Variants in RTTN observed in about 807,000 individuals in gnomAD.
RTTN encodes rotatin.
A neutral mutation model predicts 269.2 loss-of-function variants in RTTN; 182 were observed. The observed-to-expected ratio is 0.68, with a 90% CI of 0.60 to 0.76. The LOEUF is 0.76. RTTN is among the 30% of genes least tolerant of loss of function. The pLI, the probability that RTTN is intolerant of heterozygous loss-of-function variation, is 0.00. For synonymous variants in RTTN, 1,006 were observed against 963.5 expected (o/e 1.04, Z -0.82); for missense variants, 2,545 against 2,608.6 (o/e 0.98, Z 0.53).
intron 23 of RTTN, chr18:70,129,139 CT>C (rs765668493): frequency 6.6e-6 from 1 of 151,984 alleles, no homozygotes; most frequent in Non-Finnish European, 1.5e-5. Flanking sequence ...ATAGCAGTAT[CT>C]TTTAAACCAA....
At chr18:70,046,586 T>C (rs2057497641) in intron 40 of RTTN, among the ~76,000 whole-genome samples, 1 of 152,206 alleles carries the variant, frequency 6.6e-6, no homozygotes, top group South Asian at 2.1e-4. Context: ...ATAAAGTCTG[T>C]TGTTCTGATG....
intron 19 of RTTN, among the ~76,000 whole-genome samples, chr18:70,141,644 G>T (rs973782613): frequency 3.9e-5 from 6 of 151,954 alleles, no homozygotes; most frequent in African/African-American, 1.5e-4. Context: ...GTTGGGGGAG[G>T]GATAGCATTA....
intron 38 of RTTN, among the ~76,000 whole-genome samples, chr18:70,052,642 T>TATATATATATATATA (rs372511831): frequency 6.9e-6 from 1 of 145,848 alleles, no homozygotes; most frequent in Non-Finnish European, 1.5e-5. Context: ...ATTTATTTAC[T>TATATATATATATATA]TATATATATA....
chr18:70,159,750 A>ATCTTTTG (rs1483704625), intron 14 of RTTN, among the ~76,000 whole-genome samples: 5 of 152,170 alleles, frequency 3.3e-5, no homozygotes, highest in African/African-American at 4.8e-5. Context: ...AAGTGACATT[A>ATCTTTTG]TCACTGACCC....
chr18:70,060,047 T>C lies in RTTN; in HGVS notation c.4748-5A>G, dbSNP rs28495061. ...GTGATGTACTTTCCTGGTGACCTATTATTGAAAATAAACATAAGAATTATT... is the reference window on the plus strand; with the variant it reads ...GTGATGTACTTTCCTGGTGACCTATCATTGAAAATAAACATAAGAATTATT... On this transcript the variant is annotated splice_region_variant and splice_polypyrimidine_tract_variant and intron_variant, in intron 35 of 48. Transcript: ENST00000640769. 5,841 of 1,599,092 alleles carry C rather than the reference T, an allele frequency of 3.7e-3. 191 individuals carry two copies. The African/African-American group carries it at 0.07, about 19-fold the overall frequency.
chr18:70,134,427 A>G, intron 23 of RTTN, 46 bp downstream of exon 23: 2 of 1,342,912 alleles, frequency 1.5e-6, no homozygotes, highest in Non-Finnish European at 2.1e-6. Context: ...CCCTTTCTGT[A>G]ACAACATTTC....
intron 46 of RTTN, among the ~76,000 whole-genome samples, chr18:70,009,432 G>A (rs1376457782): frequency 1.3e-5 from 2 of 151,908 alleles, no homozygotes; most frequent in Non-Finnish European, 2.9e-5. Context: ...CACTGCGTAT[G>A]GCCCAAGAAA....
chr18:70,045,257 G>A (rs1846596765), intron 40 of RTTN, among the ~76,000 whole-genome samples: 1 of 152,174 alleles, frequency 6.6e-6, no homozygotes, highest in South Asian at 2.1e-4. Flanking sequence ...TAGGAGGATG[G>A]AGATTTTAGA....
chr18:70,072,951 A>G lies in RTTN; in HGVS notation c.4653+955T>C, dbSNP rs561356078. On this transcript the variant is annotated intron_variant, in intron 34 of 48. Coordinates refer to ENST00000640769, the MANE Select transcript of RTTN (RefSeq NM_173630.4). ...AGGTCCAATGTAGCACTAAACACAA[A>G]TACTTCTCTTGAATCTAGGGAAAAA... Among the ~76,000 whole-genome samples the G allele has an allele frequency of 2.3e-3, 348 of 152,260 alleles. 2 individuals are homozygous for G. The highest frequency in any genetic ancestry group is 8.1e-3 in the African/African-American group (335 of 41,550).
intron 32 of RTTN, among the ~76,000 whole-genome samples, chr18:70,083,990 T>G (rs897863722): frequency 3.3e-5 from 5 of 151,680 alleles, no homozygotes; most frequent in African/African-American, 1.2e-4. Flanking sequence ...AAAGGGAAAC[T>G]CAGCTATAAT....
At chr18:70,072,683 T>C (rs1292541897) in intron 34 of RTTN, among the ~76,000 whole-genome samples, 2 of 152,092 alleles carry the variant, frequency 1.3e-5, no homozygotes, top group Non-Finnish European at 2.9e-5. Flanking sequence ...AAAACTGAAA[T>C]ATGTACAAAG....
At chr18:70,124,430 A>G (rs1296305181) in intron 25 of RTTN, among the ~76,000 whole-genome samples, 2 of 152,140 alleles carry the variant, frequency 1.3e-5, no homozygotes, top group Non-Finnish European at 2.9e-5. Flanking sequence ...GGAAAGCCAC[A>G]TGACAATCAG....
rs866867147 is a variant in RTTN at position 70,054,038 on chromosome 18, A to G, written c.5185+93T>C. The G allele has an allele frequency of 5.4e-6, 6 of 1,118,422 alleles. No homozygotes were observed. In the South Asian group the frequency reaches 9.9e-5, roughly 18 times the overall value. The allele number at this position is 1,118,422 out of a possible 1,614,324, so 69.3% of individuals were successfully genotyped here. ...CAAAATACTAGCAAAAAGAAACTCA[A>G]AAAGTAACCTTCAAGTGAATATCTG... On this transcript the variant is annotated intron_variant, in intron 38 of 48. Transcript: ENST00000640769.
At chr18:70,051,347 A>G (rs879903850) in intron 39 of RTTN, 64 bp downstream of exon 39, 21 of 1,507,998 alleles carry the variant, frequency 1.4e-5, no homozygotes, top group Admixed American at 4.5e-5. Context: ...ATACCTAAAC[A>G]GGCAGAATCA....
At chr18:70,114,659 A>T in intron 26 of RTTN, 60 bp from the exon 27 acceptor site, 10 of 1,515,934 alleles carry the variant, frequency 6.6e-6, no homozygotes, top group Non-Finnish European at 6.2e-6. Context: ...TGTTTCCTAT[A>T]AAGGGTTTGG....
intron 1 of RTTN, 45 bp from the exon 2 acceptor site, chr18:70,205,360 G>C: frequency 6.2e-7 from 1 of 1,605,200 alleles, no homozygotes; most frequent in Non-Finnish European, 8.5e-7. Context: ...CGACTGCAAA[G>C]AGACTACGTT....
intron 40 of RTTN, among the ~76,000 whole-genome samples, chr18:70,038,709 T>C (rs1417031140): frequency 1.3e-5 from 2 of 151,984 alleles, no homozygotes; most frequent in Admixed American, 6.6e-5. Context: ...CAGGAAAAAA[T>C]GACCCCACCA....
rs139632588 is a variant in RTTN, at chr18:70,066,157, T to G, written c.4654-235A>C. The stretch of plus-strand genomic sequence containing the variant: ...AATCAGTAACTCAAAGGAGCAGTAT[T>G]GACTTCAGGCCCATTTAGGAGTTTA... On this transcript the variant is annotated intron_variant, in intron 34 of 48. Transcript: ENST00000640769. Among the ~76,000 whole-genome samples, 5 of 152,324 alleles carry G rather than the reference T, an allele frequency of 3.3e-5. 1 individual carries two copies. Among genetic ancestry groups the G allele is most frequent in the African/African-American group, 7.2e-5 (3 of 41,582 alleles).
intron 14 of RTTN, among the ~76,000 whole-genome samples, chr18:70,157,321 C>T (rs996083864): frequency 6.6e-6 from 1 of 152,184 alleles, no homozygotes; most frequent in Non-Finnish European, 1.5e-5. Flanking sequence ...TCAGTGCACC[C>T]CCAGGGTTAG....
Sources: gnomAD v4.1 joint callset for allele counts (sites outside exome capture counted in the v4.1 genomes callset) on GRCh38, gnomAD v4.1.1 for gene constraint, MANE v1.5 for transcripts, NCBI Gene and HGNC (gene_info 2026-07-23, HGNC 2026-07-21) for gene names.